Variants in MCM7 observed in about 807,000 individuals in gnomAD.
MCM7 encodes minichromosome maintenance complex component 7.
MCM7 carries 95 observed loss-of-function variants against 83.5 expected under a neutral mutation model. The observed-to-expected ratio is 1.14, with a 90% CI of 0.96 to 1.35. The LOEUF (loss-of-function observed/expected upper bound fraction) is 1.35, where lower values mean the gene tolerates loss of function less well. Among genes scored for constraint, MCM7 ranks in the 40% most tolerant of loss-of-function variants. The pLI, the probability that MCM7 is intolerant of heterozygous loss-of-function variation, is 0.00. For synonymous variants in MCM7, 461 were observed against 352.7 expected (o/e 1.31, Z -3.44); for missense variants, 1,087 against 957.4 (o/e 1.14, Z -1.79).
intron 6 of MCM7, 43 bp from the exon 7 acceptor site, chr7:100,098,333 G>A (rs372142950): frequency 8.1e-6 from 13 of 1,603,982 alleles, no homozygotes; most frequent in East Asian, 6.7e-5. Context: ...AAATGGACAA[G>A]GACCCAACCT....
chr7:100,095,308 C>T (rs1795561546), intron 12 of MCM7, 79 bp downstream of exon 12: 5 of 1,274,854 alleles, frequency 3.9e-6, no homozygotes, highest in Non-Finnish European at 5.6e-6. Flanking sequence ...AAACACACAC[C>T]CTAAGACTAA....
chr7:100,101,305 G>A lies in MCM7; in HGVS notation c.-11C>T. On this transcript the variant is annotated 5_prime_UTR_variant, in exon 1 of 15. Transcript: ENST00000303887. ...GTCCTTCAGTGCCATCGCTGCCGAG[G>A]GCCGTGCGGCCGCGCTTGGCGGGCT... 1.9e-6 allele frequency: 3 copies of A among 1,613,178 alleles called. No homozygotes were observed. Among genetic ancestry groups the A allele is most frequent in the East Asian group, 2.2e-5 (1 of 44,878 alleles).
chr7:100,094,181 T>C lies in MCM7; in HGVS notation c.1840A>G (p.Thr614Ala), dbSNP rs1026733640. 1 of 1,613,996 alleles carries C rather than the reference T, an allele frequency of 6.2e-7. No individual in the cohort carries two copies. The highest frequency in any genetic ancestry group is 8.5e-7 in the Non-Finnish European group (1 of 1,179,958). Residue 614 changes from threonine (T) to alanine (A), a missense_variant, in exon 13 of 15, where the codon ACT (threonine) becomes GCT (alanine). By Grantham distance (58) the Thr-to-Ala change is moderately conservative (BLOSUM62 0). Transcript: ENST00000303887. ...RTLLAILRLS[T>A]ALARLRMVDV... Reference sequence around the variant, plus strand: ...GCAATTTGGGCACTTACCAGAGCAGTGGAAAGGCGCAGGATAGCCAGCAGG... The same window carrying C: ...GCAATTTGGGCACTTACCAGAGCAGCGGAAAGGCGCAGGATAGCCAGCAGG...
At chr7:100,095,528 C>T in intron 11 of MCM7, 58 bp from the exon 12 acceptor site, 2 of 1,525,492 alleles carry the variant, frequency 1.3e-6, no homozygotes, top group Middle Eastern at 1.7e-4. Context: ...CCCATGTCCT[C>T]TTAGGTGTCC....
chr7:100,093,915 A>C, intron 13 of MCM7: 4 of 695,036 alleles, frequency 5.8e-6, no homozygotes, highest in South Asian at 4.4e-5. Flanking sequence ...ACATGGAGTG[A>C]AACAGACCCC....
chr7:100,095,265 G>A, intron 12 of MCM7, 122 bp downstream of exon 12: 1 of 839,204 alleles, frequency 1.2e-6, no homozygotes, highest in Admixed American at 2.0e-5. Context: ...CTGAGGCTCT[G>A]GACATGTCTG....
At chr7:100,097,414 A>T in intron 9 of MCM7, 30 bp from the exon 10 acceptor site, 1 of 1,610,020 alleles carries the variant, frequency 6.2e-7, no homozygotes, top group Non-Finnish European at 8.5e-7. Context: ...CCCTGGAATG[A>T]CTCTTCTCCC....
intron 5 of MCM7, 82 bp from the exon 6 acceptor site, chr7:100,098,797 C>T (rs543822923): frequency 1.5e-5 from 23 of 1,557,748 alleles, no homozygotes; most frequent in African/African-American, 8.2e-5. Flanking sequence ...CACATTTTCT[C>T]TTCATGGCAG....
Position 100,095,653 on chromosome 7 carries a change from T to C in MCM7, c.1595+121A>G, listed in dbSNP as rs1360493152. On this transcript the variant is annotated intron_variant, in intron 11 of 14. Transcript: ENST00000303887. The stretch of plus-strand genomic sequence containing the variant: ...TCCCTGAGAACCATGGACCAGCCCC[T>C]GCTGCAAAGGGGAGGCTCTGGGGTT... 5.0e-6 allele frequency: 7 copies of C among 1,402,916 alleles called. No homozygotes were observed. In the African/African-American group the frequency reaches 5.7e-5, roughly 12 times the overall value. 86.9% of individuals were successfully genotyped at this position (1,402,916 alleles called of 1,614,324 possible).
At chr7:100,097,228 C>A in intron 10 of MCM7, 73 bp downstream of exon 10, 5 of 1,346,342 alleles carry the variant, frequency 3.7e-6, no homozygotes, top group South Asian at 3.6e-5. Flanking sequence ...CAAACATGCA[C>A]CCCTACTTTT....
At chr7:100,100,410 C>T in intron 1 of MCM7, 3 of 1,054,424 alleles carry the variant, frequency 2.8e-6, no homozygotes, top group Non-Finnish European at 2.3e-6. Context: ...GCTTTCTTTC[C>T]ACCCCTATGA....
At chr7:100,094,536 C>T (rs916201802) in intron 12 of MCM7, among the ~76,000 whole-genome samples, 195 bp from the exon 13 acceptor site, 1 of 152,154 alleles carries the variant, frequency 6.6e-6, no homozygotes, top group Non-Finnish European at 1.5e-5. Context: ...AACGTATAGC[C>T]CCCACCAGTA....
At chr7:100,099,932 C>T (rs1286388025) in intron 2 of MCM7, 82 bp downstream of exon 2, 2 of 1,465,776 alleles carry the variant, frequency 1.4e-6, no homozygotes, top group Non-Finnish European at 1.9e-6. Context: ...ATTGTTATGT[C>T]TTTAATAAAA....
In MCM7 at chr7:100,097,951, T is replaced by C. The variant is rs1201245455; in HGVS notation, c.871-3A>G. ...AGGTAGGTTTCTGAGAGTAAACCCTTGGGCAGGAAAATGCCAGGATACAGA... is the reference window on the plus strand; with the variant it reads ...AGGTAGGTTTCTGAGAGTAAACCCTCGGGCAGGAAAATGCCAGGATACAGA... On this transcript the variant is annotated splice_polypyrimidine_tract_variant and splice_region_variant and intron_variant, in intron 7 of 14. Transcript: ENST00000303887. 3.1e-6 allele frequency: 5 copies of C among 1,613,596 alleles called. No individual in the cohort carries two copies. The South Asian group carries it at 4.4e-5, about 14-fold the overall frequency.
rs772255310 is a variant in MCM7 at position 100,097,481 on chromosome 7, C to G, written c.1118-97G>C. ...TTCTGCCTACCCCTAACACCCAGCACTATTTCTAAGCCCTCCCTGTGTCCA... is the reference window on the plus strand; with the variant it reads ...TTCTGCCTACCCCTAACACCCAGCAGTATTTCTAAGCCCTCCCTGTGTCCA... On this transcript the variant is annotated intron_variant, in intron 9 of 14. Transcript: ENST00000303887. 941 of 1,572,550 alleles carry G rather than the reference C, an allele frequency of 6.0e-4. 2 individuals are homozygous for G. The highest frequency in any genetic ancestry group is 7.6e-4 in the Non-Finnish European group (866 of 1,144,134).
chr7:100,098,068 TTC>T (rs747069047), intron 7 of MCM7, 71 bp downstream of exon 7: 113 of 1,591,356 alleles, frequency 7.1e-5, no homozygotes, highest in East Asian at 3.1e-4. Flanking sequence ...TGCTGCTCTT[TTC>T]TCTGTGTGGG....
rs769522725 is a variant in MCM7, at chr7:100,093,443, G to A, written c.1849-42C>T. On this transcript the variant is annotated intron_variant, in intron 13 of 14. Coordinates refer to ENST00000303887, the MANE Select transcript of MCM7 (RefSeq NM_005916.5). ...GGGGAAAGATGGGAACGGGAGGAGG[G>A]CAGTGGAACGAGGTCAGGGGACACC... 3.2e-6 allele frequency: 5 copies of A among 1,569,198 alleles called. No homozygotes were observed. The South Asian group carries it at 5.5e-5, about 17-fold the overall frequency.
intron 9 of MCM7, 107 bp from the exon 10 acceptor site, chr7:100,097,491 G>C: frequency 6.4e-7 from 1 of 1,571,656 alleles, no homozygotes; most frequent in Non-Finnish European, 8.7e-7. Flanking sequence ...CTATTTCTAA[G>C]CCCTCCCTGT....
At chr7:100,093,202 T>C (rs1408831701) in intron 14 of MCM7, 69 bp from the exon 15 acceptor site, 12 of 1,595,728 alleles carry the variant, frequency 7.5e-6, no homozygotes, top group African/African-American at 4.0e-5. Flanking sequence ...CAGAGAACAA[T>C]GGTGGCCAGT....
Sources: allele counts gnomAD v4.1 joint callset (sites outside exome capture counted in the v4.1 genomes callset), GRCh38; gene constraint gnomAD v4.1.1; transcripts MANE v1.5; gene names NCBI Gene and HGNC (gene_info 2026-07-23, HGNC 2026-07-21).